ATXN1: variants seen among roughly 807,000 people sequenced by gnomAD.
ATXN1 encodes the protein ataxin-1.
In ATXN1, 8 loss-of-function variants were observed where a neutral mutation model predicts 56.4. The ratio of observed to expected loss-of-function variants is 0.14; its 90% CI spans 0.08 to 0.26. The LOEUF is 0.26. ATXN1 is among the 10% of genes least tolerant of loss of function. The pLI is 1.00. For missense variants in ATXN1, 987 were observed against 1,106.5 expected (o/e 0.89, Z 1.53); for synonymous variants, 514 against 494.6 (o/e 1.04, Z -0.52).
intron 6 of ATXN1, among the ~76,000 whole-genome samples, chr6:16,332,813 C>T (rs1761022067): frequency 6.6e-6 from 1 of 152,078 alleles, no homozygotes; most frequent in Non-Finnish European, 1.5e-5. Context: ...TAAATTTAGC[C>T]CAGTGGTATA....
chr6:16,375,256 C>G (rs1240309268), intron 6 of ATXN1, among the ~76,000 whole-genome samples: 3 of 152,220 alleles, frequency 2.0e-5, no homozygotes, highest in Non-Finnish European at 4.4e-5. Flanking sequence ...TATTATTGCC[C>G]AAGCTTAACT....
chr6:16,708,851 C>T (rs1054930196), intron 2 of ATXN1, among the ~76,000 whole-genome samples: 1 of 151,974 alleles, frequency 6.6e-6, no homozygotes, highest in African/African-American at 2.4e-5. Context: ...CGTGGCGAAA[C>T]CCTGTCTCTA....
intron 4 of ATXN1, among the ~76,000 whole-genome samples, chr6:16,570,162 G>C (rs1375019219): frequency 6.6e-6 from 1 of 152,144 alleles, no homozygotes; most frequent in Non-Finnish European, 1.5e-5. Flanking sequence ...ACCTGCCCTG[G>C]ACAATCCACT....
chr6:16,540,907 T>C (rs945095122), intron 4 of ATXN1, among the ~76,000 whole-genome samples: 3 of 152,194 alleles, frequency 2.0e-5, no homozygotes, highest in African/African-American at 7.2e-5. Context: ...TAAATTGCTG[T>C]GGGAGACAGG....
chr6:16,453,617 A>G (rs948492322), intron 6 of ATXN1, among the ~76,000 whole-genome samples: 6 of 152,188 alleles, frequency 3.9e-5, no homozygotes, highest in African/African-American at 1.4e-4. Flanking sequence ...TTCACCTGAT[A>G]CTTTAAAAAC....
At chr6:16,521,242 T>A (rs1189338288) in intron 5 of ATXN1, among the ~76,000 whole-genome samples, 1 of 152,206 alleles carries the variant, frequency 6.6e-6, no homozygotes, top group African/African-American at 2.4e-5. Context: ...TGCACTCTTA[T>A]GTAAAAACCA....
chr6:16,613,247 G>A (rs1249203765), intron 3 of ATXN1, among the ~76,000 whole-genome samples: 1 of 141,300 alleles, frequency 7.1e-6, no homozygotes, highest in Non-Finnish European at 1.5e-5. Flanking sequence ...AGTCCGGCCT[G>A]GGCGACAGAG....
At chr6:16,342,311 C>T (rs1445512103) in intron 6 of ATXN1, among the ~76,000 whole-genome samples, 1 of 151,774 alleles carries the variant, frequency 6.6e-6, no homozygotes, top group Non-Finnish European at 1.5e-5. Flanking sequence ...CCACTTCACA[C>T]TCATTAAGAT....
chr6:16,546,096 C>T (rs1426104451), intron 4 of ATXN1, among the ~76,000 whole-genome samples: 2 of 152,090 alleles, frequency 1.3e-5, no homozygotes, highest in Admixed American at 6.5e-5. Flanking sequence ...CTGCACAGGA[C>T]CAGCCAGTAG....
chr6:16,572,775 G>A (rs75289325), intron 4 of ATXN1, among the ~76,000 whole-genome samples: 1 of 152,312 alleles, frequency 6.6e-6, no homozygotes, highest in African/African-American at 2.4e-5. Flanking sequence ...TCAAGAGTTT[G>A]AGGTTTAAGC....
chr6:16,491,734 G>A (rs1301524960), intron 5 of ATXN1, among the ~76,000 whole-genome samples: 2 of 152,136 alleles, frequency 1.3e-5, no homozygotes, highest in Non-Finnish European at 2.9e-5. Flanking sequence ...TGTTGTGAAG[G>A]GATTTTGCAA....
At chr6:16,659,308 T>C (rs2073514) in intron 2 of ATXN1, among the ~76,000 whole-genome samples, 96,115 of 152,100 alleles carry the variant, frequency 0.63, 31,676 homozygotes, top group African/African-American at 0.82. Flanking sequence ...TAAGGCAACA[T>C]ACTGATAGAA....
chr6:16,473,746 T>C (rs1230922072), intron 6 of ATXN1, among the ~76,000 whole-genome samples: 2 of 152,206 alleles, frequency 1.3e-5, no homozygotes, highest in African/African-American at 4.8e-5. Context: ...GCTGATGACC[T>C]GAGCCTCTGT....
chr6:16,503,233 T>C (rs1001294743), intron 5 of ATXN1, among the ~76,000 whole-genome samples: 10 of 152,096 alleles, frequency 6.6e-5, no homozygotes, highest in Non-Finnish European at 1.5e-4. Flanking sequence ...CCCACAGAGG[T>C]TCACAGGGCA....
In ATXN1 at chr6:16,306,122, C is replaced by T; in HGVS notation, c.*207G>A. The T allele has an allele frequency of 1.8e-6, 1 of 546,806 alleles. No homozygotes were observed. The highest frequency in any genetic ancestry group is 1.9e-5 in the African/African-American group (1 of 52,024). 33.9% of individuals were successfully genotyped at this position (546,806 alleles called of 1,614,324 possible). A position where few individuals can be genotyped will look rare whatever the true frequency, so the allele number is the denominator to read the frequency against. ...TGACCGCTCCTGCTGTGCCCTTCCT[C>T]CCGCCCGCTCACTGACAGACACTCG... On this transcript the variant is annotated 3_prime_UTR_variant, in exon 8 of 8. Transcript: ENST00000436367. The surrounding 1 kb of genome is among the most constrained non-coding windows in gnomAD (Gnocchi z 5.2).
chr6:16,446,282 G>A (rs1195754873), intron 6 of ATXN1, among the ~76,000 whole-genome samples: 5 of 152,134 alleles, frequency 3.3e-5, no homozygotes, highest in Non-Finnish European at 5.9e-5. Context: ...CAGTGATGAT[G>A]AGCATTTTTT....
intron 6 of ATXN1, among the ~76,000 whole-genome samples, chr6:16,334,044 C>T (rs976479025): frequency 6.6e-6 from 1 of 152,278 alleles, no homozygotes; most frequent in African/African-American, 2.4e-5. Flanking sequence ...GTATGTATGA[C>T]GGGGACCTCA....
chr6:16,418,073 C>G (rs774652113), intron 6 of ATXN1, among the ~76,000 whole-genome samples: 1 of 152,152 alleles, frequency 6.6e-6, no homozygotes. Context: ...ATGGTCCCAA[C>G]GCTCTGGTGT....
intron 2 of ATXN1, among the ~76,000 whole-genome samples, chr6:16,702,264 G>A (rs1168174899): frequency 6.6e-6 from 1 of 152,136 alleles, no homozygotes; most frequent in African/African-American, 2.4e-5. Flanking sequence ...AATGGTGCTG[G>A]GAAAACTGGC....
Sources: allele counts gnomAD v4.1 joint callset (sites outside exome capture counted in the v4.1 genomes callset), GRCh38; gene constraint gnomAD v4.1.1; non-coding constraint Gnocchi (gnomAD v3.1); transcripts MANE v1.5; gene names NCBI Gene and HGNC (gene_info 2026-07-23, HGNC 2026-07-21).